PCDHA9: variants seen among roughly 807,000 people sequenced by gnomAD.
The protein encoded by PCDHA9 is protocadherin alpha-9.
Under a neutral mutation model 62.0 loss-of-function variants are expected in PCDHA9, and 62 were observed. The observed-to-expected ratio is 1.00, with a 90% CI of 0.81 to 1.23. PCDHA9 has a LOEUF of 1.23. Ranked by LOEUF, PCDHA9 falls within the 50% of genes most tolerant of loss-of-function variation. The pLI is 0.00. For synonymous variants in PCDHA9, 557 were observed against 567.6 expected, an observed-to-expected ratio of 0.98 and a Z score of 0.27; for missense variants, 1,205 against 1,249.8, an observed-to-expected ratio of 0.96 and a Z score of 0.54.
rs1554213921 is a variant in PCDHA9 at position 140,941,202 on chromosome 5, C to CTTTCTTTCTTTCTTT, written c.2395-37747_2395-37746insTTTCTTTCTTTCTTT. Among the ~76,000 whole-genome samples the CTTTCTTTCTTTCTTT allele has an allele frequency of 5.9e-3, 725 of 122,798 alleles. 27 individuals are homozygous for CTTTCTTTCTTTCTTT. The highest frequency in any genetic ancestry group is 0.024 in the East Asian group (107 of 4,522). The allele number at this position is 122,798 out of a possible 152,430, so 80.6% of individuals were successfully genotyped here. ...TCCTGCTTCTTTTTTTTTCTTTCTTCCTTTCTTTCTTCCTTTCTTTCTTTC... is the reference window on the plus strand; with the variant it reads ...TCCTGCTTCTTTTTTTTTCTTTCTTCTTTCTTTCTTTCTTTCTTTCTTTCTTCCTTTCTTTCTTTC... On this transcript the variant is annotated intron_variant, in intron 1 of 3. Coordinates refer to ENST00000532602, the MANE Select transcript of PCDHA9 (RefSeq NM_031857.2).
intron 1 of PCDHA9, chr5:140,882,018 A>G (rs2058907575): frequency 1.8e-6 from 1 of 559,242 alleles, no homozygotes; most frequent in South Asian, 4.1e-5. Flanking sequence ...AAAATACTAC[A>G]TCAATGGAAA....
In PCDHA9 at chr5:140,857,497, G is replaced by A. The variant is rs1473016176; in HGVS notation, c.2394+6608G>A. On this transcript the variant is annotated intron_variant, in intron 1 of 3. Coordinates refer to ENST00000532602, the MANE Select transcript of PCDHA9 (RefSeq NM_031857.2). ...CGGTGTCTGCGTGGGACGCGGACGCGCAGGAGAACGCCCTGGTGTCCTACT... is the reference window on the plus strand; with the variant it reads ...CGGTGTCTGCGTGGGACGCGGACGCACAGGAGAACGCCCTGGTGTCCTACT... 10 of 1,598,262 alleles carry A rather than the reference G, an allele frequency of 6.3e-6. 1 individual carries two copies. Among genetic ancestry groups the A allele is most frequent in the Non-Finnish European group, 8.6e-6 (10 of 1,167,792 alleles).
intron 1 of PCDHA9, chr5:140,871,278 G>A: frequency 6.2e-7 from 1 of 1,613,918 alleles, no homozygotes; most frequent in African/African-American, 1.3e-5. Context: ...GGTCGGCAAC[G>A]CCCACTGAGG....
At chr5:140,907,846 C>T (rs2073638181) in intron 1 of PCDHA9, among the ~76,000 whole-genome samples, 1 of 152,246 alleles carries the variant, frequency 6.6e-6, no homozygotes, top group Admixed American at 6.5e-5. Flanking sequence ...TTAAAATCCT[C>T]CTCTGCTGAG....
intron 1 of PCDHA9, chr5:140,927,592 G>T: frequency 6.2e-7 from 1 of 1,614,170 alleles, no homozygotes; most frequent in Admixed American, 1.7e-5. Context: ...GCCTGTATTT[G>T]AGCGCTCCGT....
At chr5:141,006,215 TA>T (rs200576602) in intron 3 of PCDHA9, among the ~76,000 whole-genome samples, 4 of 151,640 alleles carry the variant, frequency 2.6e-5, no homozygotes, top group South Asian at 2.1e-4. Flanking sequence ...CATTTTTTTT[TA>T]AATTTTTTAT....
At chr5:140,901,407 G>T (rs2068648687) in intron 1 of PCDHA9, among the ~76,000 whole-genome samples, 2 of 152,130 alleles carry the variant, frequency 1.3e-5, no homozygotes, top group Non-Finnish European at 2.9e-5. Context: ...AGAGATAGGG[G>T]TCTAGTTTCA....
intron 1 of PCDHA9, among the ~76,000 whole-genome samples, chr5:140,888,190 A>G (rs2153423083): frequency 6.6e-6 from 1 of 152,280 alleles, no homozygotes; most frequent in East Asian, 1.9e-4. Flanking sequence ...TGTGAATTTT[A>G]CATTGTCGGA....
chr5:140,967,262 C>G (rs1554229356), intron 1 of PCDHA9: 1 of 1,613,522 alleles, frequency 6.2e-7, no homozygotes, highest in African/African-American at 1.3e-5. Flanking sequence ...GCCTGGAGCG[C>G]GCTTTCACAT....
Position 140,850,804 on chromosome 5 carries a change from T to G in PCDHA9, c.2309T>G (p.Met770Arg), listed in dbSNP as rs2150498986. The G allele has an allele frequency of 6.3e-7, 1 of 1,598,410 alleles. No individual in the cohort carries two copies. The highest frequency in any genetic ancestry group is 1.7e-5 in the Admixed American group (1 of 59,294). ...SGEGKQKTDL[M>R]AFSPGLSPCA... is the part of the protein sequence containing the mutation. Reference sequence around the variant, plus strand: ...GAGGGTAAGCAGAAGACCGACCTCATGGCCTTCAGCCCGGGCCTTTCTCCT... The same window carrying G: ...GAGGGTAAGCAGAAGACCGACCTCAGGGCCTTCAGCCCGGGCCTTTCTCCT... The change falls in exon 1 of 4, where the codon ATG becomes AGG. Residue 770 changes from methionine to arginine, a missense_variant. Transcript: ENST00000532602.
intron 3 of PCDHA9, among the ~76,000 whole-genome samples, chr5:141,002,755 T>C (rs894161079): frequency 3.3e-5 from 5 of 152,174 alleles, no homozygotes; most frequent in Non-Finnish European, 7.3e-5. Flanking sequence ...GACAACCCTG[T>C]GATGTAGACA....
At chr5:140,869,964 T>C (rs546576795) in intron 1 of PCDHA9, 1 of 1,613,046 alleles carries the variant, frequency 6.2e-7, no homozygotes, top group Non-Finnish European at 8.5e-7. Context: ...TTAAGCCCAA[T>C]GGAAGACACT....
At chr5:140,925,513 A>G (rs2082534793) in intron 1 of PCDHA9, among the ~76,000 whole-genome samples, 1 of 152,104 alleles carries the variant, frequency 6.6e-6, no homozygotes, top group South Asian at 2.1e-4. Flanking sequence ...CACGCAAAAG[A>G]CCAAATTAAA....
At chr5:140,955,126 G>T (rs947007538) in intron 1 of PCDHA9, among the ~76,000 whole-genome samples, 6 of 152,110 alleles carry the variant, frequency 3.9e-5, no homozygotes, top group African/African-American at 1.4e-4. Flanking sequence ...CTGTTCCACT[G>T]GTCTACACGT....
At chr5:140,933,212 T>C (rs2088935461) in intron 1 of PCDHA9, among the ~76,000 whole-genome samples, 1 of 151,682 alleles carries the variant, frequency 6.6e-6, no homozygotes, top group African/African-American at 2.4e-5. Context: ...ATTACATGTC[T>C]GTTATATTGC....
At chr5:141,005,113 G>A (rs2098197843) in intron 3 of PCDHA9, among the ~76,000 whole-genome samples, 1 of 152,184 alleles carries the variant, frequency 6.6e-6, no homozygotes, top group South Asian at 2.1e-4. Flanking sequence ...ATTGTCTTTA[G>A]GGACCCCAAA....
rs1386939569 is a variant in PCDHA9 at position 140,856,853 on chromosome 5, G to C, written c.2394+5964G>C. The C allele has an allele frequency of 6.9e-6, 11 of 1,594,152 alleles. 1 individual carries two copies. The highest frequency in any genetic ancestry group is 9.4e-6 in the Non-Finnish European group (11 of 1,164,260). ...AATACGGCTCAACGCTTCTGATTCG[G>C]ATGAAGGAATAAACAAGGAAATGAT... On this transcript the variant is annotated intron_variant, in intron 1 of 3. Coordinates refer to ENST00000532602, the MANE Select transcript of PCDHA9 (RefSeq NM_031857.2).
intron 1 of PCDHA9, among the ~76,000 whole-genome samples, chr5:140,908,084 T>G (rs2073791096): frequency 6.6e-6 from 1 of 152,202 alleles, no homozygotes; most frequent in Non-Finnish European, 1.5e-5. Context: ...CACAACCAGG[T>G]GCACTGATTG....
chr5:140,875,891 T>C (rs781902632), intron 1 of PCDHA9: 3 of 1,614,008 alleles, frequency 1.9e-6, no homozygotes, highest in Non-Finnish European at 2.5e-6. Context: ...GAACAAAAGG[T>C]ACCTGTTTCT....
Sources: allele counts gnomAD v4.1 joint callset (sites outside exome capture counted in the v4.1 genomes callset), GRCh38; gene constraint gnomAD v4.1.1; transcripts MANE v1.5; gene names NCBI Gene and HGNC (gene_info 2026-07-23, HGNC 2026-07-21).